The following CDH13 variants were observed in gnomAD, a reference collection of about 807,000 sequenced individuals.
CDH13 encodes cadherin 13.
CDH13 carries 24 observed loss-of-function variants against 63.8 expected under a neutral mutation model. The ratio of observed to expected loss-of-function variants is 0.38; its 90% CI spans 0.27 to 0.53. The LOEUF (loss-of-function observed/expected upper bound fraction) is 0.53. Ranked by LOEUF, CDH13 falls within the 20% of genes least tolerant of loss-of-function variation. The probability of loss-of-function intolerance (pLI) is 0.85; values close to 1 mark genes in which losing one functional copy is unlikely to be tolerated. For missense variants in CDH13, 1,049 were observed against 903.1 expected (o/e 1.16, Z -2.07); for synonymous variants, 503 against 355.3 (o/e 1.42, Z -4.67).
chr16:83,386,163 A>C lies in CDH13; in HGVS notation c.781+41157A>C, dbSNP rs556181389. On this transcript the variant is annotated intron_variant, in intron 6 of 13. Coordinates refer to ENST00000567109, the MANE Select transcript of CDH13 (RefSeq NM_001257.5). The stretch of plus-strand genomic sequence containing the variant: ...AAACATGAGCTGCTGTTGTATTTGA[A>C]ATGGTGCTGAATTCAGAATCCCATG... Among the ~76,000 whole-genome samples, 8 of 152,330 alleles carry C rather than the reference A, an allele frequency of 5.3e-5. No individual in the cohort carries two copies. The East Asian group carries it at 1.3e-3, about 26-fold the overall frequency.
intron 3 of CDH13, among the ~76,000 whole-genome samples, chr16:83,113,066 T>C (rs905073829): frequency 6.6e-6 from 1 of 152,220 alleles, no homozygotes; most frequent in African/African-American, 2.4e-5. Flanking sequence ...CTCAGGCAGC[T>C]GATGCTATCG....
At chr16:83,462,523 G>A (rs778449130) in intron 6 of CDH13, among the ~76,000 whole-genome samples, 6 of 152,218 alleles carry the variant, frequency 3.9e-5, no homozygotes, top group South Asian at 2.1e-4. Flanking sequence ...AGGCCAACGC[G>A]AGCAGGAGTT....
chr16:82,821,627 A>G (rs143005635), intron 1 of CDH13, among the ~76,000 whole-genome samples: 3 of 152,350 alleles, frequency 2.0e-5, no homozygotes, highest in African/African-American at 4.8e-5. Context: ...ATCAAATAAC[A>G]CTACTTATGG....
At chr16:82,884,748 A>G (rs573832698) in intron 2 of CDH13, among the ~76,000 whole-genome samples, 1 of 152,324 alleles carries the variant, frequency 6.6e-6, no homozygotes, top group African/African-American at 2.4e-5. Context: ...GACTTAGGCC[A>G]CTTTGTTTTC....
chr16:83,468,502 T>G (rs1274600296), intron 6 of CDH13, among the ~76,000 whole-genome samples: 1 of 152,226 alleles, frequency 6.6e-6, no homozygotes, highest in Non-Finnish European at 1.5e-5. Flanking sequence ...GTTCGTGGTA[T>G]TTGTTACAGC....
intron 8 of CDH13, among the ~76,000 whole-genome samples, chr16:83,616,032 G>A (rs1909253901): frequency 6.6e-6 from 1 of 152,098 alleles, no homozygotes; most frequent in Non-Finnish European, 1.5e-5. Flanking sequence ...GAATGTTTTT[G>A]AATAAAAGAG....
intron 2 of CDH13, among the ~76,000 whole-genome samples, chr16:82,996,886 T>C (rs561412134): frequency 5.1e-4 from 78 of 152,016 alleles, no homozygotes; most frequent in African/African-American, 1.8e-3. Context: ...CTAGTGATGG[T>C]GATGCTGATG....
At chr16:83,569,152 G>C (rs4611443) in intron 7 of CDH13, among the ~76,000 whole-genome samples, 136,177 of 152,106 alleles carry the variant, frequency 0.9, 61,438 homozygotes, top group Non-Finnish European at 0.95. Context: ...TGCCCTCTGT[G>C]CTTTGCACAT....
intron 1 of CDH13, among the ~76,000 whole-genome samples, chr16:82,832,400 G>A (rs556494444): frequency 2.0e-5 from 3 of 152,086 alleles, no homozygotes; most frequent in South Asian, 4.2e-4. Context: ...AGGTACTTAC[G>A]ACTTAGGTGT....
At chr16:83,747,176 C>G (rs10781973) in intron 10 of CDH13, among the ~76,000 whole-genome samples, 1 of 152,062 alleles carries the variant, frequency 6.6e-6, no homozygotes, top group African/African-American at 2.4e-5. Flanking sequence ...CCTCGCGTAA[C>G]CTACATCCTA....
chr16:82,890,754 C>G (rs1287594308), intron 2 of CDH13, among the ~76,000 whole-genome samples: 1 of 151,216 alleles, frequency 6.6e-6, no homozygotes, highest in African/African-American at 2.4e-5. Context: ...CAGGTTCAAG[C>G]AATTATCCTG....
chr16:83,321,447 A>G (rs1225159652), intron 5 of CDH13, among the ~76,000 whole-genome samples: 1 of 152,058 alleles, frequency 6.6e-6, no homozygotes, highest in African/African-American at 2.4e-5. Context: ...TTTTCATGCA[A>G]AATGCTATGG....
chr16:83,000,223 ATTTTTTTT>A (rs746904500), intron 2 of CDH13, among the ~76,000 whole-genome samples: 1 of 37,030 alleles, frequency 2.7e-5, no homozygotes, highest in African/African-American at 7.8e-5. Flanking sequence ...GGTTTAGCTT[ATTTTTTTT>A]TTTTTTTTTT....
In CDH13 at chr16:83,678,327, C is replaced by G; in HGVS notation, c.1404C>G (p.Val468=). 2 of 1,614,006 alleles carry G rather than the reference C, an allele frequency of 1.2e-6. No individual in the cohort carries two copies. The highest frequency in any genetic ancestry group is 1.7e-6 in the Non-Finnish European group (2 of 1,179,904). ...PSSTATVHIT[V]LDVNEGPVFY... ...CCACAGCCACCGTCCACATCACTGT[C>G]CTGGATGTCAACGAGGGCCCAGTCT... Residue 468 remains valine (V), a synonymous_variant, in exon 10 of 14, where the codon GTC becomes GTG. Coordinates refer to ENST00000567109, the MANE Select transcript of CDH13 (RefSeq NM_001257.5).
Position 83,475,605 on chromosome 16 carries a change from A to G in CDH13, c.782-10872A>G, listed in dbSNP as rs117178577. On this transcript the variant is annotated intron_variant, in intron 6 of 13. Transcript: ENST00000567109. Reference sequence around the variant, plus strand: ...TTGTTGTTGTTACTGTTTTTGAGACAGGGTCTCTCTCTGTCACCCAGGCTG... The same window carrying G: ...TTGTTGTTGTTACTGTTTTTGAGACGGGGTCTCTCTCTGTCACCCAGGCTG... Among the ~76,000 whole-genome samples, 18 of 152,278 alleles carry G rather than the reference A, an allele frequency of 1.2e-4. No homozygotes were observed. In the East Asian group the frequency reaches 2.3e-3, roughly 20 times the overall value.
At chr16:83,513,925 A>G (rs1162184342) in intron 7 of CDH13, among the ~76,000 whole-genome samples, 6 of 152,170 alleles carry the variant, frequency 3.9e-5, no homozygotes, top group Non-Finnish European at 7.3e-5. Flanking sequence ...TGAAGGAAAA[A>G]AAGTAAGGGG....
intron 7 of CDH13, among the ~76,000 whole-genome samples, chr16:83,548,911 A>G (rs905875975): frequency 6.6e-6 from 1 of 152,228 alleles, no homozygotes; most frequent in Non-Finnish European, 1.5e-5. Context: ...GAAAGCCTTC[A>G]GTAGAATTTC....
intron 5 of CDH13, among the ~76,000 whole-genome samples, chr16:83,311,346 A>C (rs1248152013): frequency 1.3e-5 from 2 of 152,160 alleles, no homozygotes; most frequent in Non-Finnish European, 2.9e-5. Flanking sequence ...AAAATTAAAA[A>C]GTAAAAGTCG....
At chr16:83,362,214 C>A (rs1034087440) in intron 6 of CDH13, among the ~76,000 whole-genome samples, 18 of 152,144 alleles carry the variant, frequency 1.2e-4, no homozygotes, top group Admixed American at 3.3e-4. Context: ...AAGTTACATA[C>A]CCCTTCATAA....
Sources: gnomAD v4.1 joint callset for allele counts (sites outside exome capture counted in the v4.1 genomes callset) on GRCh38, gnomAD v4.1.1 for gene constraint, MANE v1.5 for transcripts, NCBI Gene and HGNC (gene_info 2026-07-23, HGNC 2026-07-21) for gene names.